The following DIAPH2 variants were observed in gnomAD, a reference collection of about 807,000 sequenced individuals.
DIAPH2 encodes the protein protein diaphanous homolog 2.
DIAPH2 carries 35 observed loss-of-function variants against 92.7 expected under a neutral mutation model. That is an observed-to-expected ratio of 0.38 (90% CI 0.29 to 0.50). The LOEUF (loss-of-function observed/expected upper bound fraction) is 0.50. Among genes scored for constraint, DIAPH2 ranks in the 20% least tolerant of loss-of-function variants. DIAPH2 has a pLI of 0.94. For synonymous variants in DIAPH2, 301 were observed against 280.4 expected (o/e 1.07, Z -0.73); for missense variants, 701 against 819.5 (o/e 0.86, Z 1.77).
intron 17 of DIAPH2, among the ~76,000 whole-genome samples, chrX:96,991,261 C>T (rs2066068089): frequency 9.1e-6 from 1 of 110,081 alleles, no homozygotes; most frequent in Non-Finnish European, 1.9e-5. Context: ...ATTACAGATG[C>T]ACGCCAACAT....
At chrX:97,343,228 G>C (rs2069127012) in intron 23 of DIAPH2, among the ~76,000 whole-genome samples, 1 of 111,795 alleles carries the variant, frequency 8.9e-6, no homozygotes, top group South Asian at 3.8e-4. Flanking sequence ...GTGTGTCTCA[G>C]GGGAGAGATT....
At chrX:96,957,730 A>G in intron 15 of DIAPH2, 98 bp from the exon 16 acceptor site, 1 of 637,988 alleles carries the variant, frequency 1.6e-6, no homozygotes, top group African/African-American at 2.2e-5. Flanking sequence ...ATCTTAAAAC[A>G]TAAGATAAAT....
At chrX:97,491,556 G>A (rs1569410796) in intron 26 of DIAPH2, among the ~76,000 whole-genome samples, 1 of 110,415 alleles carries the variant, frequency 9.1e-6, no homozygotes, top group Non-Finnish European at 1.9e-5. Flanking sequence ...GACTACAGGC[G>A]TGCACCACCA....
chrX:96,800,156 A>T lies in DIAPH2; in HGVS notation c.447+41898A>T, dbSNP rs755510171. Among the ~76,000 whole-genome samples, 4 of 112,044 alleles carry T rather than the reference A, an allele frequency of 3.6e-5. No individual in the cohort carries two copies. The East Asian group carries it at 1.1e-3, about 31-fold the overall frequency. ...CTTGCTATGCTCTTTTGCAGAATGA[A>T]ATTTTTCACTATTTATGTCATACTG... On this transcript the variant is annotated intron_variant, in intron 4 of 26. Coordinates refer to ENST00000324765, the MANE Select transcript of DIAPH2 (RefSeq NM_006729.5).
intron 7 of DIAPH2, among the ~76,000 whole-genome samples, chrX:96,914,255 C>G (rs981626582): frequency 4.9e-4 from 54 of 110,574 alleles, no homozygotes; most frequent in Non-Finnish European, 2.1e-4. Flanking sequence ...AGAAATATTC[C>G]CATCACTACT....
At chrX:96,926,762 A>G (rs767254407) in intron 9 of DIAPH2, among the ~76,000 whole-genome samples, 1 of 111,675 alleles carries the variant, frequency 9.0e-6, no homozygotes, top group Non-Finnish European at 1.9e-5. Context: ...TTGAAATCTT[A>G]TGACATCACT....
intron 22 of DIAPH2, among the ~76,000 whole-genome samples, chrX:97,166,087 A>G (rs1206509537): frequency 9.0e-6 from 1 of 111,425 alleles, no homozygotes; most frequent in African/African-American, 3.3e-5. Flanking sequence ...CTTAAGTAAA[A>G]TATTGTTTTT....
chrX:96,991,505 T>C (rs1310839734), intron 17 of DIAPH2, among the ~76,000 whole-genome samples: 2 of 105,808 alleles, frequency 1.9e-5, no homozygotes, highest in African/African-American at 6.9e-5. Context: ...AATGGGGACA[T>C]AGTGATTGAA....
intron 17 of DIAPH2, among the ~76,000 whole-genome samples, chrX:97,064,167 C>T (rs1303270331): frequency 1.8e-5 from 2 of 111,858 alleles, no homozygotes; most frequent in Non-Finnish European, 3.8e-5. Flanking sequence ...TCAAACCTGA[C>T]GAATACATTT....
chrX:97,253,601 T>A (rs764584021), intron 23 of DIAPH2, among the ~76,000 whole-genome samples: 6 of 108,457 alleles, frequency 5.5e-5, no homozygotes, highest in African/African-American at 2.0e-4. Context: ...CAAAAAAAAA[T>A]TAGCCAGGCA....
intron 23 of DIAPH2, among the ~76,000 whole-genome samples, chrX:97,306,297 C>T (rs1255418951): frequency 9.0e-6 from 1 of 111,270 alleles, no homozygotes; most frequent in African/African-American, 3.3e-5. Context: ...GCATAACTCT[C>T]TTTGGCCCCC....
At chrX:96,904,667 T>C (rs1408008357) in intron 5 of DIAPH2, among the ~76,000 whole-genome samples, 1 of 111,809 alleles carries the variant, frequency 8.9e-6, no homozygotes, top group African/African-American at 3.2e-5. Context: ...GGACTGAATA[T>C]GTGATACTGT....
intron 26 of DIAPH2, among the ~76,000 whole-genome samples, chrX:97,593,202 T>A (rs1222707664): frequency 9.0e-6 from 1 of 111,356 alleles, no homozygotes; most frequent in Non-Finnish European, 1.9e-5. Flanking sequence ...CCACCAGATA[T>A]TAAAACATCT....
chrX:97,041,013 G>C (rs1413049650), intron 17 of DIAPH2, among the ~76,000 whole-genome samples: 1 of 110,845 alleles, frequency 9.0e-6, no homozygotes, highest in Non-Finnish European at 1.9e-5. Flanking sequence ...CAGCCTTTGT[G>C]TTATACAGTT....
At chrX:96,924,054 A>T (rs1407711435) in intron 9 of DIAPH2, among the ~76,000 whole-genome samples, 1 of 111,953 alleles carries the variant, frequency 8.9e-6, no homozygotes, top group Non-Finnish European at 1.9e-5. Context: ...TACTGCAAGC[A>T]TACTTGTAAA....
chrX:97,369,350 A>G (rs2069419521), intron 24 of DIAPH2, among the ~76,000 whole-genome samples: 1 of 111,367 alleles, frequency 9.0e-6, no homozygotes, highest in Non-Finnish European at 1.9e-5. Context: ...TGCATCTTGT[A>G]GTGATGGTTA....
At chrX:97,362,582 GCTTT>G (rs1431161872) in intron 24 of DIAPH2, among the ~76,000 whole-genome samples, 2 of 112,135 alleles carry the variant, frequency 1.8e-5, no homozygotes, top group African/African-American at 3.2e-5. Context: ...TAGTTTACTT[GCTTT>G]CTTTTTCTCA....
intron 17 of DIAPH2, among the ~76,000 whole-genome samples, chrX:97,010,944 A>G (rs2066220841): frequency 8.9e-6 from 1 of 111,895 alleles, no homozygotes; most frequent in South Asian, 3.7e-4. Flanking sequence ...GCAGAAAATT[A>G]CAACCTATAC....
At chrX:97,198,089 G>T (rs1313464619) in intron 22 of DIAPH2, among the ~76,000 whole-genome samples, 1 of 110,632 alleles carries the variant, frequency 9.0e-6, no homozygotes, top group African/African-American at 3.3e-5. Flanking sequence ...AAAAGACAAG[G>T]GGAATGAATG....
Sources: gnomAD v4.1 joint callset for allele counts (sites outside exome capture counted in the v4.1 genomes callset) on GRCh38, gnomAD v4.1.1 for gene constraint, MANE v1.5 for transcripts, NCBI Gene and HGNC (gene_info 2026-07-23, HGNC 2026-07-21) for gene names.